The following BNIP2 variants were observed in gnomAD, a reference collection of about 807,000 sequenced individuals.
BNIP2 encodes the protein BCL2 interacting protein 2, also known as BCL2/adenovirus E1B 19 kDa protein-interacting protein 2.
A neutral mutation model predicts 43.4 loss-of-function variants in BNIP2; 36 were observed. That is an observed-to-expected ratio of 0.83 (90% CI 0.64 to 1.10). The LOEUF (loss-of-function observed/expected upper bound fraction) is 1.10, where lower values mean the gene tolerates loss of function less well. Ranked by LOEUF, BNIP2 falls within the 50% of genes least tolerant of loss-of-function variation. The pLI is 0.00. For synonymous variants in BNIP2, 146 were observed against 121.0 expected (o/e 1.21, Z -1.35); for missense variants, 417 against 374.1 (o/e 1.11, Z -0.95).
intron 4 of BNIP2, chr15:59,678,795 A>C (rs1566972771): frequency 7.7e-7 from 1 of 1,303,430 alleles, no homozygotes; most frequent in Non-Finnish European, 1.0e-6. Context: ...GTTGTTTCCA[A>C]GACAAAGCTG....
chr15:59,669,446 AT>A, intron 7 of BNIP2, 84 bp from the exon 8 acceptor site: 3 of 1,030,472 alleles, frequency 2.9e-6, no homozygotes, highest in Non-Finnish European at 4.1e-6. Context: ...ATACAAAATA[AT>A]AGTTGAAAAA....
rs1187281614 is a variant in BNIP2, at chr15:59,660,930, T to A, written c.*3139A>T. 6.6e-6 allele frequency: 1 copy of A among 152,174 alleles called. No homozygotes were observed. The highest frequency in any genetic ancestry group is 6.5e-5 in the Admixed American group (1 of 15,276). The allele number at this position is 152,174 out of a possible 1,614,324, so 9.4% of individuals were successfully genotyped here. A position where few individuals can be genotyped will look rare whatever the true frequency, so the allele number is the denominator to read the frequency against. ...TTATCATGGGTATGTATTATCAACT[T>A]TTCCCCCTTCAATCCACAGTCTTTA... On this transcript the variant is annotated 3_prime_UTR_variant, in exon 10 of 10. Transcript: ENST00000607373.
Position 59,689,257 on chromosome 15 carries a change from C to A in BNIP2, c.-180G>T. 2 of 1,544,282 alleles carry A rather than the reference C, an allele frequency of 1.3e-6. No individual in the cohort carries two copies. The highest frequency in any genetic ancestry group is 1.2e-5 in the South Asian group (1 of 83,992). ...CGCTCCCCTCGGTCGGCGGTGGAGA[C>A]CCCGGCCCAATCCCCCGGCCGCAGC... On this transcript the variant is annotated 5_prime_UTR_variant, in exon 1 of 10. Transcript: ENST00000607373.
chr15:59,687,712 T>G (rs1191726601), intron 1 of BNIP2, among the ~76,000 whole-genome samples: 3 of 152,082 alleles, frequency 2.0e-5, no homozygotes, highest in Non-Finnish European at 4.4e-5. Flanking sequence ...GACACCTTCC[T>G]CCCTATTGTT....
intron 1 of BNIP2, chr15:59,688,451 TAGG>T (rs1555398215): frequency 6.1e-5 from 21 of 345,712 alleles, no homozygotes; most frequent in South Asian, 3.0e-5. Flanking sequence ...ATTAAATAAA[TAGG>T]AGGCACCGTA....
In BNIP2 at chr15:59,689,177, G is replaced by C; in HGVS notation, c.-100C>G. 6.5e-7 allele frequency: 1 copy of C among 1,538,730 alleles called. No individual in the cohort carries two copies. ...CCCCCTCGTCCTCTTCGCCCCTCCA[G>C]GCCGGCGACGTGGGGCTGACGGCCA... is the stretch of plus-strand genomic sequence containing the variant. On this transcript the variant is annotated 5_prime_UTR_variant, in exon 1 of 10. Transcript: ENST00000607373.
In BNIP2 at chr15:59,671,218, TC is replaced by T; in HGVS notation, c.671del (p.Gly224AspfsTer18). 6.2e-7 allele frequency: 1 copy of T among 1,602,468 alleles called. No individual in the cohort carries two copies. Among genetic ancestry groups the T allele is most frequent in the East Asian group, 2.2e-5 (1 of 44,696 alleles). On this transcript the variant is annotated frameshift_variant, in exon 7 of 10. Transcript: ENST00000607373. LOFTEE classifies it high-confidence loss of function. Reference protein sequence around the residue: ...ATTRRKMPSLGWLRKCYQQID... With the variant: ...ATTRRKMPSLXWLRKCYQQID... ...TTTGCTGATAACATTTCCTGAGCCATCCCAGACTGGGCATTTTTCTTCGAGT... is the reference window on the plus strand; with the variant it reads ...TTTGCTGATAACATTTCCTGAGCCATCCAGACTGGGCATTTTTCTTCGAGT...
chr15:59,683,089 T>A (rs1893795754), intron 1 of BNIP2, among the ~76,000 whole-genome samples: 1 of 152,262 alleles, frequency 6.6e-6, no homozygotes, highest in Non-Finnish European at 1.5e-5. Flanking sequence ...ATTTGTTTCA[T>A]ATCTATACTA....
intron 4 of BNIP2, 21 bp downstream of exon 4, chr15:59,679,571 T>C: frequency 6.2e-7 from 1 of 1,605,676 alleles, no homozygotes; most frequent in South Asian, 1.1e-5. Flanking sequence ...AAGATCAGAT[T>C]AAAAACAGTG....
At chr15:59,677,115 G>A (rs1893352600) in intron 5 of BNIP2, 2 of 1,606,356 alleles carry the variant, frequency 1.2e-6, no homozygotes, top group South Asian at 2.2e-5. Flanking sequence ...CAAGGTCAAG[G>A]ATATTGTCAT....
chr15:59,677,872 T>C (rs754169192), intron 5 of BNIP2, 39 bp downstream of exon 5: 6 of 1,559,628 alleles, frequency 3.8e-6, no homozygotes, highest in South Asian at 2.4e-5. Context: ...AATTCTGATA[T>C]TGCATTAAAC....
Position 59,679,686 on chromosome 15 carries a change from G to T in BNIP2, c.201C>A (p.Gly67=), listed in dbSNP as rs758940282. ...DISLTLDPSD[G]SVLSDDLDES... Reference sequence around the variant, plus strand: ...CATCCAAATCATCTGACAATACAGAGCCATCACTAGGATCCAGTGTCAGGC... The same window carrying T: ...CATCCAAATCATCTGACAATACAGATCCATCACTAGGATCCAGTGTCAGGC... The change falls in exon 4 of 10, where the codon GGC becomes GGA. Residue 67 remains glycine, a synonymous_variant. Transcript: ENST00000607373. 2 of 1,610,164 alleles carry T rather than the reference G, an allele frequency of 1.2e-6. No individual in the cohort carries two copies. The highest frequency in any genetic ancestry group is 1.7e-6 in the Non-Finnish European group (2 of 1,178,490).
chr15:59,682,244 T>C (rs1378507444), intron 2 of BNIP2, among the ~76,000 whole-genome samples, 164 bp downstream of exon 2: 11 of 152,094 alleles, frequency 7.2e-5, no homozygotes, highest in African/African-American at 2.4e-4. Context: ...GAAGAATTGC[T>C]TGAATCCAGG....
At chr15:59,674,928 G>C (rs1303719016) in intron 5 of BNIP2, among the ~76,000 whole-genome samples, 1 of 152,202 alleles carries the variant, frequency 6.6e-6, no homozygotes, top group Non-Finnish European at 1.5e-5. Flanking sequence ...GTGCTGTATA[G>C]AAGTGTGGAG....
rs1296326314 is a variant in BNIP2 at position 59,669,377 on chromosome 15, A to C, written c.708-15T>G. On this transcript the variant is annotated splice_polypyrimidine_tract_variant and intron_variant, in intron 7 of 9. Coordinates refer to ENST00000607373, the MANE Select transcript of BNIP2 (RefSeq NM_004330.4). ...TTTTCCGTAACCTGGAGTTTAAAAAAAAAACACACACACACAAAGAAAATT... is the reference window on the plus strand; with the variant it reads ...TTTTCCGTAACCTGGAGTTTAAAAACAAAACACACACACACAAAGAAAATT... 1.4e-6 allele frequency: 2 copies of C among 1,407,698 alleles called. No individual in the cohort carries two copies. Among genetic ancestry groups the C allele is most frequent in the Non-Finnish European group, 9.6e-7 (1 of 1,041,028 alleles). 87.2% of individuals were successfully genotyped at this position (1,407,698 alleles called of 1,614,324 possible).
rs1892251207 is a variant in BNIP2 at position 59,661,283 on chromosome 15, T to C, written c.*2786A>G. On this transcript the variant is annotated 3_prime_UTR_variant, in exon 10 of 10. Coordinates refer to ENST00000607373, the MANE Select transcript of BNIP2 (RefSeq NM_004330.4). ...AGGCAGAGGTTGCAGTGAGCCAGGA[T>C]TGCGCCACTGCACTCCAGAATGGGT... The C allele has an allele frequency of 6.8e-6, 1 of 146,188 alleles. No individual in the cohort carries two copies. The highest frequency in any genetic ancestry group is 2.6e-5 in the African/African-American group (1 of 38,520). The allele number at this position is 146,188 out of a possible 1,614,324, so 9.1% of individuals were successfully genotyped here.
intron 9 of BNIP2, among the ~76,000 whole-genome samples, chr15:59,667,271 T>G (rs1439019779): frequency 6.6e-6 from 1 of 152,226 alleles, no homozygotes; most frequent in East Asian, 1.9e-4. Context: ...TTAGTTACAG[T>G]TGGCTCCTTA....
At chr15:59,677,727 A>G in intron 5 of BNIP2, 184 bp downstream of exon 5, 2 of 1,122,778 alleles carry the variant, frequency 1.8e-6, no homozygotes, top group Non-Finnish European at 1.2e-6. Context: ...GTAAAGTTAC[A>G]AAAAAAACAA....
rs6151513 is a variant in BNIP2 at position 59,678,654 on chromosome 15, C to T, written c.296-567G>A. On this transcript the variant is annotated intron_variant, in intron 4 of 9. Coordinates refer to ENST00000607373, the MANE Select transcript of BNIP2 (RefSeq NM_004330.4). ...ATTAGCATTAGCCAAAGCATAAGCA[C>T]CAATGATTAAGTGTAATTTATGTTT... The T allele has an allele frequency of 1.3e-3, 1,500 of 1,177,200 alleles. 22 individuals are homozygous for T. In the African/African-American group the frequency reaches 0.02, roughly 16 times the overall value. 72.9% of individuals were successfully genotyped at this position (1,177,200 alleles called of 1,614,324 possible).
Sources: gnomAD v4.1 joint callset for allele counts (sites outside exome capture counted in the v4.1 genomes callset) on GRCh38, gnomAD v4.1.1 for gene constraint, MANE v1.5 for transcripts, NCBI Gene and HGNC (gene_info 2026-07-23, HGNC 2026-07-21) for gene names.